The following SYNGR4 variants were observed in gnomAD, a reference collection of about 807,000 sequenced individuals.
SYNGR4 encodes synaptogyrin-4.
A neutral mutation model predicts 15.5 loss-of-function variants in SYNGR4; 15 were observed. The ratio of observed to expected loss-of-function variants is 0.97; its 90% CI spans 0.65 to 1.49. The LOEUF (loss-of-function observed/expected upper bound fraction) is 1.49. Ranked by LOEUF, SYNGR4 falls within the 40% of genes most tolerant of loss-of-function variation. The pLI, the probability that SYNGR4 is intolerant of heterozygous loss-of-function variation, is 0.00. For synonymous variants in SYNGR4, 121 were observed against 127.4 expected, an observed-to-expected ratio of 0.95 and a Z score of 0.34; for missense variants, 292 against 299.3, an observed-to-expected ratio of 0.98 and a Z score of 0.18.
chr19:48,369,942 G>A (rs1181297803), intron 2 of SYNGR4, among the ~76,000 whole-genome samples: 1 of 152,172 alleles, frequency 6.6e-6, no homozygotes, highest in Admixed American at 6.6e-5. Flanking sequence ...TGATGGATGT[G>A]AATACCCTTG....
At position 48,373,655 on chromosome 19, in the gene SYNGR4, C is replaced by G. The variant is rs771021300; in HGVS notation, c.232C>G (p.Leu78Val). Reference protein sequence around the residue: ...FAVGAGFLAFLSCLAFLVLDT... With the variant: ...FAVGAGFLAFVSCLAFLVLDT... ...CGTGGGAGCCGGCTTCCTGGCCTTC[C>G]TCAGCTGCCTGGCCTTCCTCGTCCT... Residue 78 changes from leucine to valine, a missense_variant, in exon 3 of 5, where the codon CTC becomes GTC. Coordinates refer to ENST00000344846, the MANE Select transcript of SYNGR4 (RefSeq NM_012451.4). 6.2e-7 allele frequency: 1 copy of G among 1,613,824 alleles called. No homozygotes were observed. The highest frequency in any genetic ancestry group is 1.3e-5 in the African/African-American group (1 of 75,046).
intron 2 of SYNGR4, among the ~76,000 whole-genome samples, chr19:48,371,139 G>A (rs1970298403): frequency 6.6e-6 from 1 of 152,176 alleles, no homozygotes; most frequent in African/African-American, 2.4e-5. Flanking sequence ...CCTCCAGTGA[G>A]TTTCTCTCTT....
At chr19:48,366,697 C>T (rs1017219969) in intron 2 of SYNGR4, among the ~76,000 whole-genome samples, 1 of 152,098 alleles carries the variant, frequency 6.6e-6, no homozygotes, top group Non-Finnish European at 1.5e-5. Flanking sequence ...TCAGCCACCG[C>T]GCCCAGCCTA....
chr19:48,371,147 C>T (rs1171877249), intron 2 of SYNGR4, among the ~76,000 whole-genome samples: 1 of 152,208 alleles, frequency 6.6e-6, no homozygotes, highest in Admixed American at 6.5e-5. Context: ...GAGTTTCTCT[C>T]TTATCTCTGA....
intron 2 of SYNGR4, among the ~76,000 whole-genome samples, chr19:48,370,178 G>T (rs567768548): frequency 3.9e-5 from 6 of 152,148 alleles, no homozygotes; most frequent in Non-Finnish European, 5.9e-5. Flanking sequence ...CCAGTCTAGC[G>T]CTGGGTGCTG....
intron 2 of SYNGR4, 26 bp downstream of exon 2, chr19:48,365,961 T>C (rs753022543): frequency 1.2e-6 from 2 of 1,610,406 alleles, no homozygotes; most frequent in South Asian, 2.2e-5. Context: ...GGCCCGACTG[T>C]GCCCCTGGGT....
At chr19:48,365,638 C>CCCCCAA in intron 1 of SYNGR4, 98 bp from the exon 2 acceptor site, 1 of 314,098 alleles carries the variant, frequency 3.2e-6, no homozygotes, top group Non-Finnish European at 6.2e-6. Context: ...TCCGGGGACC[C>CCCCCAA]CCCCCATCCC....
At chr19:48,368,056 G>A (rs946600924) in intron 2 of SYNGR4, among the ~76,000 whole-genome samples, 4 of 152,194 alleles carry the variant, frequency 2.6e-5, no homozygotes, top group African/African-American at 7.2e-5. Flanking sequence ...AAACAGGCCT[G>A]GAATCCTGGC....
intron 1 of SYNGR4, among the ~76,000 whole-genome samples, chr19:48,365,434 C>T (rs1213207385): frequency 1.3e-5 from 1 of 75,600 alleles, no homozygotes; most frequent in African/African-American, 4.5e-5. Flanking sequence ...ATTCCTGGGA[C>T]CCCCAGCACC....
In SYNGR4 at chr19:48,376,067, GCGCTTTTCTGCCCACAGATATT is replaced by G; in HGVS notation, c.472-16_477del. 2.5e-6 allele frequency: 4 copies of G among 1,614,084 alleles called. No homozygotes were observed. The highest frequency in any genetic ancestry group is 1.7e-4 in the Middle Eastern group (1 of 6,058). Reference sequence around the variant, plus strand: ...CCCAGCCCAAGTCAGCCTTCAGCACGCGCTTTTCTGCCCACAGATATTCCAGGCCTACCTGGCATTCCAGGAC... The same window carrying G: ...CCCAGCCCAAGTCAGCCTTCAGCACGCCAGGCCTACCTGGCATTCCAGGAC... On this transcript the variant is annotated splice_acceptor_variant and splice_polypyrimidine_tract_variant and coding_sequence_variant and intron_variant, in exon 5 of 5. Coordinates refer to ENST00000344846, the MANE Select transcript of SYNGR4 (RefSeq NM_012451.4). LOFTEE classifies it high-confidence loss of function.
At chr19:48,365,698 G>T in intron 1 of SYNGR4, 38 bp from the exon 2 acceptor site, 1 of 408,126 alleles carries the variant, frequency 2.5e-6, no homozygotes, top group Non-Finnish European at 3.8e-6. Flanking sequence ...TCCACCCCGT[G>T]CCCCTGACTG....
intron 2 of SYNGR4, among the ~76,000 whole-genome samples, chr19:48,371,622 G>T (rs1049991719): frequency 6.8e-6 from 1 of 147,974 alleles, no homozygotes; most frequent in African/African-American, 2.5e-5. Flanking sequence ...GTGTCACCCA[G>T]CCTGGAGTGC....
rs764820252 is a variant in SYNGR4, at chr19:48,375,697, G to A, written c.416G>A (p.Gly139Glu). Residue 139 changes from glycine to glutamate, a missense_variant, in exon 4 of 5, where the codon GGG becomes GAG. Coordinates refer to ENST00000344846, the MANE Select transcript of SYNGR4 (RefSeq NM_012451.4). ...QHSPPKEFLL[G>E]SSSAQAAIAF... ...TCGCCGCCCAAAGAGTTCCTCCTGG[G>A]GAGCAGCAGTGCCCAGGCAGCCATC... 5.0e-5 allele frequency: 80 copies of A among 1,613,980 alleles called. 1 individual carries two copies. The Middle Eastern group carries it at 6.6e-4, about 13-fold the overall frequency.
chr19:48,373,656 T>G lies in SYNGR4; in HGVS notation c.233T>G (p.Leu78Arg), dbSNP rs536337697. The change falls in exon 3 of 5, where the codon CTC (leucine) becomes CGC (arginine). Residue 78 changes from leucine (L) to arginine (R), a missense_variant. Leu to Arg is a moderately radical substitution (Grantham distance 102). Transcript: ENST00000344846. ...FAVGAGFLAF[L>R]SCLAFLVLDT... ...GTGGGAGCCGGCTTCCTGGCCTTCC[T>G]CAGCTGCCTGGCCTTCCTCGTCCTG... The G allele has an allele frequency of 6.2e-7, 1 of 1,613,810 alleles. No individual in the cohort carries two copies. Among genetic ancestry groups the G allele is most frequent in the African/African-American group, 1.3e-5 (1 of 75,038 alleles).
At position 48,374,076 on chromosome 19, in the gene SYNGR4, CTTTT is replaced by C. The variant is rs946583656; in HGVS notation, c.331+339_331+342del. Among the ~76,000 whole-genome samples the C allele has an allele frequency of 3.0e-5, 4 of 132,736 alleles. No individual in the cohort carries two copies. The East Asian group carries it at 8.4e-4, about 28-fold the overall frequency. The allele number at this position is 132,736 out of a possible 152,430, so 87.1% of individuals were successfully genotyped here. A position where few individuals can be genotyped will look rare whatever the true frequency, so the allele number is the denominator to read the frequency against. On this transcript the variant is annotated intron_variant, in intron 3 of 4. Transcript: ENST00000344846. ...CTTCCCTCATTTACAGAAAATCTCT[CTTTT>C]TTTTTTTTTTTTTTTTGAGATGGAG...
intron 2 of SYNGR4, among the ~76,000 whole-genome samples, chr19:48,370,766 C>T (rs888940150): frequency 6.6e-6 from 1 of 152,154 alleles, no homozygotes; most frequent in East Asian, 1.9e-4. Flanking sequence ...TAGCCTACCC[C>T]CGCCATCCCC....
chr19:48,375,580 C>G (rs777829895), intron 3 of SYNGR4, 33 bp from the exon 4 acceptor site: 17 of 1,594,736 alleles, frequency 1.1e-5, no homozygotes, highest in Non-Finnish European at 1.1e-5. Context: ...TGAGCTTTCC[C>G]CCTGCCCCTT....
chr19:48,374,414 G>A (rs564504670), intron 3 of SYNGR4, among the ~76,000 whole-genome samples: 17 of 151,942 alleles, frequency 1.1e-4, no homozygotes, highest in African/African-American at 3.9e-4. Context: ...AAACACTCCC[G>A]ATGGAGCCTG....
Position 48,376,122 on chromosome 19 carries a change from A to G in SYNGR4, c.509A>G (p.Asn170Ser). ...TACCTGGCATTCCAGGACCTCCGAAATGATGCTCCAGTCCCTTACAAGCGC... is the reference window on the plus strand; with the variant it reads ...TACCTGGCATTCCAGGACCTCCGAAGTGATGCTCCAGTCCCTTACAAGCGC... ...QAYLAFQDLR[N>S]DAPVPYKRFL... Residue 170 changes from asparagine to serine, a missense_variant, in exon 5 of 5, where the codon AAT (asparagine) becomes AGT (serine). Transcript: ENST00000344846. 1 of 1,613,998 alleles carries G rather than the reference A, an allele frequency of 6.2e-7. No individual in the cohort carries two copies. Among genetic ancestry groups the G allele is most frequent in the Non-Finnish European group, 8.5e-7 (1 of 1,179,966 alleles).
Sources: gnomAD v4.1 joint callset for allele counts (sites outside exome capture counted in the v4.1 genomes callset) on GRCh38, gnomAD v4.1.1 for gene constraint, MANE v1.5 for transcripts, NCBI Gene and HGNC (gene_info 2026-07-23, HGNC 2026-07-21) for gene names.